MICU2: variants seen among roughly 807,000 people sequenced by gnomAD.
MICU2 encodes mitochondrial calcium uptake 2.
In MICU2, 64 loss-of-function variants were observed where a neutral mutation model predicts 60.4. That is an observed-to-expected ratio of 1.06 (90% CI 0.87 to 1.31). MICU2 has a LOEUF of 1.31. Ranked by LOEUF, MICU2 falls within the 50% of genes most tolerant of loss-of-function variation. The pLI is 0.00. For missense variants in MICU2, 569 were observed against 531.0 expected (o/e 1.07, Z -0.70); for synonymous variants, 201 against 175.0 (o/e 1.15, Z -1.17).
At chr13:21,572,331 T>C (rs946683393) in intron 1 of MICU2, among the ~76,000 whole-genome samples, 2 of 152,232 alleles carry the variant, frequency 1.3e-5, no homozygotes, top group Non-Finnish European at 2.9e-5. Flanking sequence ...TTAGTATTTA[T>C]ACATTTCCTT....
intron 8 of MICU2, among the ~76,000 whole-genome samples, chr13:21,508,986 T>C (rs1242057015): frequency 6.6e-6 from 1 of 152,238 alleles, no homozygotes; most frequent in Non-Finnish European, 1.5e-5. Context: ...GTACTATCCC[T>C]AGTGTTTGAG....
rs2138121733 is a variant in MICU2 at position 21,492,695 on chromosome 13, T to C, written c.*554A>G. 1 of 152,482 alleles carries C rather than the reference T, an allele frequency of 6.6e-6. No individual in the cohort carries two copies. The highest frequency in any genetic ancestry group is 2.4e-5 in the African/African-American group (1 of 41,588). 9.4% of individuals were successfully genotyped at this position (152,482 alleles called of 1,614,324 possible). A position where few individuals can be genotyped will look rare whatever the true frequency, so the allele number is the denominator to read the frequency against. On this transcript the variant is annotated 3_prime_UTR_variant, in exon 12 of 12. Coordinates refer to ENST00000382374, the MANE Select transcript of MICU2 (RefSeq NM_152726.3). ...AAAATAAAAAGCACCTCAGTATTTT[T>C]TGTATCTATGTAAATATTTTATTCT...
chr13:21,539,768 A>C, intron 2 of MICU2, 80 bp from the exon 3 acceptor site: 1 of 1,294,888 alleles, frequency 7.7e-7, no homozygotes, highest in Non-Finnish European at 1.1e-6. Flanking sequence ...AAATTATTTA[A>C]AAGACAAAAC....
chr13:21,544,999 ATAC>A (rs1887381398), intron 2 of MICU2, among the ~76,000 whole-genome samples: 1 of 152,198 alleles, frequency 6.6e-6, no homozygotes, highest in Non-Finnish European at 1.5e-5. Context: ...ACTAGAACAT[ATAC>A]TACTATGGAC....
chr13:21,575,838 T>C (rs1171497781), intron 1 of MICU2, among the ~76,000 whole-genome samples: 1 of 151,588 alleles, frequency 6.6e-6, no homozygotes, highest in Admixed American at 6.6e-5. Flanking sequence ...CTAAATAACA[T>C]TTTTCTTAAG....
At chr13:21,593,683 C>T (rs1041496049) in intron 1 of MICU2, among the ~76,000 whole-genome samples, 2 of 149,858 alleles carry the variant, frequency 1.3e-5, no homozygotes, top group African/African-American at 2.5e-5. Flanking sequence ...CCAAAACAGA[C>T]ATATAGACCA....
chr13:21,547,522 T>C (rs1304158244), intron 2 of MICU2, among the ~76,000 whole-genome samples: 1 of 152,210 alleles, frequency 6.6e-6, no homozygotes, highest in Non-Finnish European at 1.5e-5. Context: ...ATAGTATGTT[T>C]TATTCACCAT....
intron 1 of MICU2, among the ~76,000 whole-genome samples, chr13:21,589,922 C>T (rs1397012209): frequency 2.0e-5 from 3 of 152,150 alleles, no homozygotes; most frequent in African/African-American, 7.2e-5. Context: ...TCCAAGTGTG[C>T]GCTCACCATT....
At chr13:21,495,109 A>C (rs573881684) in intron 11 of MICU2, 52 bp downstream of exon 11, 2 of 1,430,244 alleles carry the variant, frequency 1.4e-6, no homozygotes, top group Non-Finnish European at 1.9e-6. Context: ...TTCTAGGTTT[A>C]ATATCAGTTA....
intron 2 of MICU2, among the ~76,000 whole-genome samples, chr13:21,555,161 C>T (rs1284978228): frequency 2.0e-5 from 3 of 152,212 alleles, no homozygotes; most frequent in East Asian, 3.8e-4. Flanking sequence ...TCCTCCCTAA[C>T]TTATTTTATG....
In MICU2 at chr13:21,523,310, G is replaced by A. The variant is rs565396798; in HGVS notation, c.467-660C>T. On this transcript the variant is annotated intron_variant, in intron 4 of 11. Transcript: ENST00000382374. ...TGGTTCTGTTTCTCTGGAGAACACT[G>A]ACTAATACAGAAGAATCGAAGCTGG... Among the ~76,000 whole-genome samples, 10 of 152,312 alleles carry A rather than the reference G, an allele frequency of 6.6e-5. No individual in the cohort carries two copies. The South Asian group carries it at 2.1e-3, about 32-fold the overall frequency.
chr13:21,602,357 C>T (rs1272817832), intron 1 of MICU2, among the ~76,000 whole-genome samples: 1 of 152,018 alleles, frequency 6.6e-6, no homozygotes, highest in African/African-American at 2.4e-5. Context: ...CCCGTCTCTA[C>T]TAAAAACACA....
intron 4 of MICU2, among the ~76,000 whole-genome samples, chr13:21,529,793 C>G (rs532092390): frequency 6.6e-6 from 1 of 152,314 alleles, no homozygotes; most frequent in African/African-American, 2.4e-5. Flanking sequence ...ACAAGCTACA[C>G]AGGAGCTGGG....
chr13:21,556,342 T>C (rs1164688931), intron 2 of MICU2, among the ~76,000 whole-genome samples: 1 of 152,212 alleles, frequency 6.6e-6, no homozygotes, highest in Admixed American at 6.6e-5. Flanking sequence ...CTGGTTTTCT[T>C]CCTACCTTTT....
At chr13:21,519,206 G>A (rs1013435074) in intron 6 of MICU2, among the ~76,000 whole-genome samples, 3 of 151,964 alleles carry the variant, frequency 2.0e-5, no homozygotes, top group Non-Finnish European at 4.4e-5. Flanking sequence ...ACAGGCATAC[G>A]CCACCACGCC....
At chr13:21,561,438 C>T (rs560248864) in intron 2 of MICU2, among the ~76,000 whole-genome samples, 2 of 152,096 alleles carry the variant, frequency 1.3e-5, no homozygotes, top group Admixed American at 1.3e-4. Flanking sequence ...ATCTGTTTCT[C>T]CTTGCAGTTC....
At chr13:21,541,986 T>C (rs2138004563) in intron 2 of MICU2, among the ~76,000 whole-genome samples, 1 of 152,254 alleles carries the variant, frequency 6.6e-6, no homozygotes, top group Non-Finnish European at 1.5e-5. Flanking sequence ...AATTAACTTT[T>C]TGATTAAAAG....
chr13:21,555,668 C>T (rs1171987884), intron 2 of MICU2, among the ~76,000 whole-genome samples: 1 of 152,126 alleles, frequency 6.6e-6, no homozygotes, highest in African/African-American at 2.4e-5. Context: ...AGGTTACTGG[C>T]AATCATATTG....
At chr13:21,591,986 A>G (rs1379996562) in intron 1 of MICU2, among the ~76,000 whole-genome samples, 2 of 152,186 alleles carry the variant, frequency 1.3e-5, no homozygotes, top group African/African-American at 4.8e-5. Flanking sequence ...TTCGAAAGTT[A>G]GCAGATGACA....
Sources: gnomAD v4.1 joint callset for allele counts (sites outside exome capture counted in the v4.1 genomes callset) on GRCh38, gnomAD v4.1.1 for gene constraint, MANE v1.5 for transcripts, NCBI Gene and HGNC (gene_info 2026-07-23, HGNC 2026-07-21) for gene names.